The following MTMR8 variants were observed in gnomAD, a reference collection of about 807,000 sequenced individuals.
MTMR8 encodes the protein phosphatidylinositol-3,5-bisphosphate 3-phosphatase MTMR8.
A neutral mutation model predicts 39.3 loss-of-function variants in MTMR8; 65 were observed. The observed-to-expected ratio is 1.65, with a 90% confidence interval of 1.35 to 2.03. The LOEUF (loss-of-function observed/expected upper bound fraction) is 2.03, where lower values mean the gene tolerates loss of function less well. Among genes scored for constraint, MTMR8 ranks in the 30% most tolerant of loss-of-function variants. MTMR8 has a pLI of 0.00. For synonymous variants in MTMR8, 245 were observed against 185.2 expected, an observed-to-expected ratio of 1.32 and a Z score of -2.62; for missense variants, 777 against 538.9, an observed-to-expected ratio of 1.44 and a Z score of -4.37.
At chrX:64,368,616 G>A (rs1380613303) in intron 1 of MTMR8, among the ~76,000 whole-genome samples, 2 of 111,573 alleles carry the variant, frequency 1.8e-5, no homozygotes, top group Non-Finnish European at 3.8e-5. Flanking sequence ...ATTCAAGATG[G>A]ATTAAAGACT....
chrX:64,307,454 T>C (rs1922155926), intron 12 of MTMR8, among the ~76,000 whole-genome samples: 1 of 111,935 alleles, frequency 8.9e-6, no homozygotes, highest in Admixed American at 9.5e-5. Context: ...GCATCATTTG[T>C]TGAAAAGACT....
At chrX:64,344,894 G>T in intron 7 of MTMR8, 151 bp downstream of exon 7, 5 of 505,177 alleles carry the variant, frequency 9.9e-6, no homozygotes, top group Non-Finnish European at 1.6e-5. Context: ...TACTATTTAA[G>T]CTAGATTTGT....
intron 6 of MTMR8, among the ~76,000 whole-genome samples, chrX:64,346,501 C>G (rs1923352797): frequency 9.1e-6 from 1 of 110,000 alleles, no homozygotes; most frequent in African/African-American, 3.3e-5. Flanking sequence ...CAATAGTCAC[C>G]TAGTAGCAAG....
intron 12 of MTMR8, among the ~76,000 whole-genome samples, chrX:64,291,368 C>A (rs751542445): frequency 9.0e-6 from 1 of 111,001 alleles, no homozygotes; most frequent in East Asian, 2.8e-4. Flanking sequence ...AACCCTCTGA[C>A]CCAGCAACTT....
intron 1 of MTMR8, among the ~76,000 whole-genome samples, chrX:64,388,321 C>T (rs1034830240): frequency 8.9e-6 from 1 of 112,049 alleles, no homozygotes. Flanking sequence ...AAAACAACTG[C>T]TGTGCCCTGT....
rs1441623970 is a variant in MTMR8 at position 64,305,775 on chromosome X, T to C, written c.1481+22997A>G. On this transcript the variant is annotated intron_variant, in intron 12 of 13. Coordinates refer to ENST00000374852, the MANE Select transcript of MTMR8 (RefSeq NM_017677.4). ...AACACAAAGAGCTGAAAGCATTTCC[T>C]GTATGGTTTCCATTGGTGGTGGTGG... is the stretch of plus-strand genomic sequence containing the variant. 7 of 397,585 alleles carry C rather than the reference T, an allele frequency of 1.8e-5. No individual in the cohort carries two copies. In the South Asian group the frequency reaches 2.4e-4, roughly 14 times the overall value. The allele number at this position is 397,585 out of a possible 1,213,427, so 32.8% of individuals were successfully genotyped here. A position where few individuals can be genotyped will look rare whatever the true frequency, so the allele number is the denominator to read the frequency against.
intron 12 of MTMR8, among the ~76,000 whole-genome samples, chrX:64,283,227 C>A (rs1921025726): frequency 1.8e-5 from 2 of 111,864 alleles, no homozygotes; most frequent in Admixed American, 1.9e-4. Flanking sequence ...TCGCTCATTG[C>A]TAGCACAGCA....
intron 12 of MTMR8, among the ~76,000 whole-genome samples, chrX:64,292,857 A>G (rs1921446722): frequency 9.0e-6 from 1 of 111,563 alleles, no homozygotes; most frequent in Non-Finnish European, 1.9e-5. Context: ...TGTCACTGCC[A>G]AAGTATCCCG....
chrX:64,389,498 G>A (rs1380516084), intron 1 of MTMR8, among the ~76,000 whole-genome samples: 1 of 112,226 alleles, frequency 8.9e-6, no homozygotes, highest in Non-Finnish European at 1.9e-5. Flanking sequence ...ACAAAATGAG[G>A]TTGAAGGAGT....
At chrX:64,366,582 G>T (rs969782354) in intron 1 of MTMR8, among the ~76,000 whole-genome samples, 3 of 112,002 alleles carry the variant, frequency 2.7e-5, no homozygotes, top group African/African-American at 9.7e-5. Context: ...CAATGTAACA[G>T]AATCTCTGGG....
chrX:64,296,867 G>T (rs1399674015), intron 12 of MTMR8, among the ~76,000 whole-genome samples: 3 of 101,984 alleles, frequency 2.9e-5, no homozygotes, highest in African/African-American at 1.1e-4. Context: ...TACTGAGAAT[G>T]ATGATTTCCA....
At chrX:64,314,682 C>T (rs1293439044) in intron 12 of MTMR8, among the ~76,000 whole-genome samples, 3 of 112,671 alleles carry the variant, frequency 2.7e-5, no homozygotes, top group African/African-American at 6.4e-5. Flanking sequence ...TATGTGCTGG[C>T]CAGGCAGGGA....
chrX:64,344,960 T>A (rs758773220), intron 7 of MTMR8, 85 bp downstream of exon 7: 6 of 1,061,380 alleles, frequency 5.7e-6, no homozygotes, highest in Non-Finnish European at 7.6e-6. Flanking sequence ...TGCTTTTATA[T>A]TCCACCCCAA....
At chrX:64,334,985 C>G (rs1923037957) in intron 10 of MTMR8, among the ~76,000 whole-genome samples, 1 of 111,757 alleles carries the variant, frequency 8.9e-6, no homozygotes, top group Non-Finnish European at 1.9e-5. Flanking sequence ...CAATACCTAA[C>G]ATAATGACTG....
Position 64,359,418 on chromosome X carries a change from C to T in MTMR8, c.134G>A (p.Arg45Gln), listed in dbSNP as rs201096276. 3.6e-4 allele frequency: 428 copies of T among 1,200,700 alleles called. No homozygotes were observed. The highest frequency in any genetic ancestry group is 3.3e-4 in the Non-Finnish European group (292 of 890,002). The change falls in exon 2 of 14, where the codon CGG (arginine) becomes CAG (glutamine). Residue 45 changes from arginine to glutamine, a missense_variant. Arg to Gln is a conservative substitution (Grantham distance 43, BLOSUM62 1). Transcript: ENST00000374852. ...TCATGAACATACCCATGTTTCTTTC[C>T]GGGCTGCACCTGAAGCCTCCACATA... Reference protein sequence around the residue: ...LIYVEASGAARKETWIALHHI... With the variant: ...LIYVEASGAAQKETWIALHHI...
chrX:64,271,473 A>G (rs1380858005), intron 12 of MTMR8, among the ~76,000 whole-genome samples: 1 of 112,239 alleles, frequency 8.9e-6, no homozygotes, highest in East Asian at 2.8e-4. Context: ...ACAAGGATCA[A>G]TTCCCTTTAT....
rs568007151 is a variant in MTMR8 at position 64,341,204 on chromosome X, C to T, written c.975+2407G>A. ...CAATTAAAGAACAGTATGGGCCGGG[C>T]GTGGTAGCTTACGCCTGTAATCCCA... On this transcript the variant is annotated intron_variant, in intron 8 of 13. Transcript: ENST00000374852. 1.4e-4 allele frequency among the ~76,000 whole-genome samples: 16 copies of T among 111,873 alleles called. No homozygotes were observed. The South Asian group carries it at 5.6e-3, about 39-fold the overall frequency.
At chrX:64,393,713 G>A (rs932491935) in intron 1 of MTMR8, among the ~76,000 whole-genome samples, 1 of 111,919 alleles carries the variant, frequency 8.9e-6, no homozygotes, top group African/African-American at 3.3e-5. Context: ...AAAAAGGCAA[G>A]GCTGGCTGGC....
rs749980092 is a variant in MTMR8, at chrX:64,366,456, T to C, written c.25-6929A>G. Among the ~76,000 whole-genome samples the C allele has an allele frequency of 3.2e-3, 353 of 112,052 alleles. 2 individuals carry two copies. Among genetic ancestry groups the C allele is most frequent in the African/African-American group, 0.011 (346 of 30,843 alleles). On this transcript the variant is annotated intron_variant, in intron 1 of 13. Coordinates refer to ENST00000374852, the MANE Select transcript of MTMR8 (RefSeq NM_017677.4). ...TAGAACTCAGGGTTAAGAAACTCAC[T>C]CAAAACCACTCAACTACATGGAAGC...
Sources: allele counts gnomAD v4.1 joint callset (sites outside exome capture counted in the v4.1 genomes callset), GRCh38; gene constraint gnomAD v4.1.1; transcripts MANE v1.5; gene names NCBI Gene and HGNC (gene_info 2026-07-23, HGNC 2026-07-21).